Variants in SFT2D1 observed in about 807,000 individuals in gnomAD.
SFT2D1 encodes the protein SFT2 domain containing 1.
SFT2D1 carries 24 observed loss-of-function variants against 28.1 expected under a neutral mutation model. The observed-to-expected ratio is 0.85, with a 90% CI of 0.62 to 1.20. The LOEUF (loss-of-function observed/expected upper bound fraction) is 1.20. SFT2D1 is among the 50% of genes most tolerant of loss of function. The pLI is 0.00. For synonymous variants in SFT2D1, 82 were observed against 73.7 expected (o/e 1.11, Z -0.58); for missense variants, 181 against 190.9 (o/e 0.95, Z 0.31).
At chr6:166,323,602 T>C (rs1326133513) in intron 6 of SFT2D1, 1 of 152,156 alleles carries the variant, frequency 6.6e-6, no homozygotes, top group Non-Finnish European at 1.5e-5. Flanking sequence ...TTTATGCAGA[T>C]GAACTCTTAC....
intron 1 of SFT2D1, among the ~76,000 whole-genome samples, chr6:166,330,916 C>T (rs898707857): frequency 3.3e-5 from 5 of 152,360 alleles, no homozygotes; most frequent in African/African-American, 7.2e-5. Flanking sequence ...ACGCACCAGA[C>T]GGTACCCGTT....
Position 166,322,882 on chromosome 6 carries a change from T to C in SFT2D1, c.415A>G (p.Ser139Gly), listed in dbSNP as rs767808925. 52 of 1,611,800 alleles carry C rather than the reference T, an allele frequency of 3.2e-5. No individual in the cohort carries two copies. Among genetic ancestry groups the C allele is most frequent in the Middle Eastern group, 3.3e-4 (2 of 6,078 alleles). ...ILQFLSMTWY[S>G]LSYIPYARDA... ...CTTGCATATGGGATGTACGACAGGC[T>C]ATACCTGCAAGAAATATTCAAGCAT... Residue 139 changes from serine (S) to glycine (G), a missense_variant, in exon 7 of 8, where the codon AGC becomes GGC. Transcript: ENST00000361731.
At chr6:166,338,285 G>A (rs570744615) in intron 1 of SFT2D1, among the ~76,000 whole-genome samples, 2 of 152,260 alleles carry the variant, frequency 1.3e-5, no homozygotes, top group African/African-American at 4.8e-5. Flanking sequence ...CTCCTTGGTA[G>A]TTACCCAAAT....
chr6:166,335,490 A>C, intron 1 of SFT2D1: 1 of 515,242 alleles, frequency 1.9e-6, no homozygotes, highest in Non-Finnish European at 3.8e-6. Context: ...TTTACTTTAC[A>C]AAACCAAGGT....
intron 1 of SFT2D1, among the ~76,000 whole-genome samples, chr6:166,337,626 T>C (rs899607442): frequency 3.9e-5 from 6 of 152,072 alleles, no homozygotes; most frequent in African/African-American, 7.2e-5. Flanking sequence ...GTGAGGGAAA[T>C]AGATAAGGTA....
At chr6:166,337,071 G>T (rs1276289916) in intron 1 of SFT2D1, among the ~76,000 whole-genome samples, 1 of 152,222 alleles carries the variant, frequency 6.6e-6, no homozygotes. Flanking sequence ...GCCTCCCGGG[G>T]AAAGCTCCCT....
intron 7 of SFT2D1, among the ~76,000 whole-genome samples, chr6:166,322,343 G>A (rs370620168): frequency 2.6e-5 from 4 of 152,014 alleles, no homozygotes; most frequent in Non-Finnish European, 5.9e-5. Context: ...GCTCCATGTC[G>A]CCAAAATGTT....
At chr6:166,324,807 T>C (rs1217291440) in intron 5 of SFT2D1, 1 of 537,498 alleles carries the variant, frequency 1.9e-6, no homozygotes, top group Non-Finnish European at 3.3e-6. Context: ...TTAATTTAAA[T>C]ACTGCAAAAT....
intron 1 of SFT2D1, 80 bp downstream of exon 1, chr6:166,342,334 ACCCAC>A: frequency 7.7e-7 from 1 of 1,300,018 alleles, no homozygotes; most frequent in Non-Finnish European, 1.0e-6. Flanking sequence ...CCGGCCTCGC[ACCCAC>A]CCCACCCGCT....
chr6:166,328,140 C>A, intron 4 of SFT2D1, 136 bp downstream of exon 4: 1 of 392,436 alleles, frequency 2.5e-6, no homozygotes, highest in Non-Finnish European at 4.3e-6. Context: ...TACATACAAC[C>A]CTGAAACTTA....
intron 2 of SFT2D1, among the ~76,000 whole-genome samples, chr6:166,329,830 C>T (rs1778517527): frequency 6.6e-6 from 1 of 152,162 alleles, no homozygotes. Context: ...AAACTTTGTG[C>T]TTACCAGTAA....
intron 1 of SFT2D1, 144 bp from the exon 2 acceptor site, chr6:166,330,391 C>A: frequency 1.6e-6 from 1 of 631,026 alleles, no homozygotes; most frequent in South Asian, 2.1e-5. Flanking sequence ...TACTAAGATT[C>A]CACGGTTGTT....
chr6:166,340,090 A>G (rs1274316188), intron 1 of SFT2D1, among the ~76,000 whole-genome samples: 2 of 152,110 alleles, frequency 1.3e-5, no homozygotes, highest in African/African-American at 2.4e-5. Context: ...CACACATCCA[A>G]TCCGTCAACA....
rs117788907 is a variant in SFT2D1 at position 166,329,333 on chromosome 6, T to G, written c.233+174A>C. Among the ~76,000 whole-genome samples, 346 of 152,312 alleles carry G rather than the reference T, an allele frequency of 2.3e-3. 7 individuals carry two copies. In the East Asian group the frequency reaches 0.056, roughly 25 times the overall value. On this transcript the variant is annotated intron_variant, in intron 3 of 7. Coordinates refer to ENST00000361731, the MANE Select transcript of SFT2D1 (RefSeq NM_145169.3). ...TATTCCTAGCACTAATACCGTCTGT[T>G]ATGGGAGACGGCATACAGCAGCAGT...
At chr6:166,333,895 G>A (rs1235965218) in intron 1 of SFT2D1, among the ~76,000 whole-genome samples, 1 of 141,644 alleles carries the variant, frequency 7.1e-6, no homozygotes, top group African/African-American at 2.7e-5. Flanking sequence ...TTACCTTCCT[G>A]CTGCCACCAA....
intron 1 of SFT2D1, among the ~76,000 whole-genome samples, chr6:166,332,704 A>G (rs1160087207): frequency 1.3e-5 from 2 of 152,126 alleles, no homozygotes; most frequent in Non-Finnish European, 2.9e-5. Context: ...ACCATCCATC[A>G]TTTTACTTAT....
intron 5 of SFT2D1, 171 bp downstream of exon 5, chr6:166,325,959 ATG>A: frequency 1.5e-6 from 1 of 662,872 alleles, no homozygotes; most frequent in Non-Finnish European, 2.7e-6. Context: ...AGTAGAATCT[ATG>A]GCATTTTTAG....
intron 1 of SFT2D1, among the ~76,000 whole-genome samples, chr6:166,341,797 C>T (rs1778786962): frequency 1.3e-5 from 2 of 150,758 alleles, no homozygotes; most frequent in Admixed American, 6.6e-5. Flanking sequence ...TCAAGTCTCG[C>T]TGGTAAGGCG....
intron 7 of SFT2D1, among the ~76,000 whole-genome samples, chr6:166,321,220 CTG>C (rs1291867401): frequency 6.6e-6 from 1 of 152,120 alleles, no homozygotes; most frequent in African/African-American, 2.4e-5. Context: ...TCTTCCAAAA[CTG>C]TTATTACTTG....
Sources: allele counts gnomAD v4.1 joint callset (sites outside exome capture counted in the v4.1 genomes callset), GRCh38; gene constraint gnomAD v4.1.1; transcripts MANE v1.5; gene names NCBI Gene and HGNC (gene_info 2026-07-23, HGNC 2026-07-21).